Variants in RNPC3 observed in about 807,000 individuals in gnomAD.
RNPC3 encodes RNA binding region (RNP1, RRM) containing 3.
A neutral mutation model predicts 67.5 loss-of-function variants in RNPC3; 48 were observed. The observed-to-expected ratio is 0.71, with a 90% CI of 0.56 to 0.90. The LOEUF (loss-of-function observed/expected upper bound fraction) is 0.90. Ranked by LOEUF, RNPC3 falls within the 40% of genes least tolerant of loss-of-function variation. The probability of loss-of-function intolerance (pLI) is 0.00; values close to 1 mark genes in which losing one functional copy is unlikely to be tolerated. For missense variants in RNPC3, 637 were observed against 626.1 expected, an observed-to-expected ratio of 1.02 and a Z score of -0.19; for synonymous variants, 239 against 210.3, an observed-to-expected ratio of 1.14 and a Z score of -1.18.
At chr1:103,550,640 CAAAAAAA>C (rs34109337) in intron 12 of RNPC3, among the ~76,000 whole-genome samples, 2 of 88,650 alleles carry the variant, frequency 2.3e-5, no homozygotes, top group Non-Finnish European at 4.5e-5. Context: ...GACTCTGTCT[CAAAAAAA>C]AAAAAAAAAA....
chr1:103,538,677 C>T (rs1018930625), intron 7 of RNPC3, among the ~76,000 whole-genome samples: 1 of 152,180 alleles, frequency 6.6e-6, no homozygotes, highest in East Asian at 1.9e-4. Context: ...TAACTTAGAA[C>T]ATAACATACA....
In RNPC3 at chr1:103,551,032, G is replaced by T. The variant is rs1651375434; in HGVS notation, c.1453G>T (p.Glu485Ter). The T allele has an allele frequency of 2.0e-5, 32 of 1,612,584 alleles. No homozygotes were observed. Among genetic ancestry groups the T allele is most frequent in the Non-Finnish European group, 2.7e-5 (32 of 1,179,512 alleles). ...AAAAGCAGCAGCAAAAGCCTTAAAG[G>T]AAGCTAATGGATATGTGCTTTTTGG... The part of the protein sequence containing the change: ...NEKAAAKALK[E>*]ANGYVLFGKP... The change falls in exon 13 of 15, where the codon GAA becomes TAA. Residue 485 changes from glutamate to a stop codon, truncating the protein, a stop_gained. Transcript: ENST00000423855. LOFTEE classifies it high-confidence loss of function.
In RNPC3 at chr1:103,543,373, A is replaced by C. The variant is rs1317578725; in HGVS notation, c.971A>C (p.His324Pro). Residue 324 changes from histidine (H) to proline (P), a missense_variant, in exon 9 of 15, where the codon CAT (histidine) becomes CCT (proline). Physicochemically the swap from His to Pro is moderately conservative, Grantham distance 77. Coordinates refer to ENST00000423855, the MANE Select transcript of RNPC3 (RefSeq NM_017619.4). ...GTAGGTAACAAAAGAATTGAATTCC[A>C]TATATCTACCGACATGCCAGCTGCA... Reference protein sequence around the residue: ...QPVGNKRIEFHISTDMPAAFK... With the variant: ...QPVGNKRIEFPISTDMPAAFK... 1.5e-5 allele frequency: 23 copies of C among 1,522,044 alleles called. No individual in the cohort carries two copies. The highest frequency in any genetic ancestry group is 1.9e-5 in the Non-Finnish European group (22 of 1,140,436). The allele number at this position is 1,522,044 out of a possible 1,614,324, so 94.3% of individuals were successfully genotyped here.
At chr1:103,550,640 C>CAA (rs34109337) in intron 12 of RNPC3, among the ~76,000 whole-genome samples, 12 of 88,606 alleles carry the variant, frequency 1.4e-4, no homozygotes, top group Admixed American at 2.3e-4. Context: ...GACTCTGTCT[C>CAA]AAAAAAAAAA....
intron 9 of RNPC3, among the ~76,000 whole-genome samples, chr1:103,543,661 A>C (rs1337436170): frequency 6.6e-6 from 1 of 151,804 alleles, no homozygotes; most frequent in Non-Finnish European, 1.5e-5. Context: ...CCCTTTGCTA[A>C]TAATGACCTC....
In RNPC3 at chr1:103,555,016, G is replaced by A. The variant is rs1375875565; in HGVS notation, c.*13-18G>A. Reference sequence around the variant, plus strand: ...GTGTTATACTTCCTATTTTTAATGGGCTTTTATGATGTTTTAGGTTTTTTT... The same window carrying A: ...GTGTTATACTTCCTATTTTTAATGGACTTTTATGATGTTTTAGGTTTTTTT... On this transcript the variant is annotated intron_variant, in intron 14 of 14. Transcript: ENST00000423855. 6.6e-6 allele frequency: 1 copy of A among 151,762 alleles called. No individual in the cohort carries two copies. The highest frequency in any genetic ancestry group is 1.5e-5 in the Non-Finnish European group (1 of 67,930). The allele number at this position is 151,762 out of a possible 1,614,324, so 9.4% of individuals were successfully genotyped here.
intron 12 of RNPC3, among the ~76,000 whole-genome samples, chr1:103,549,586 T>C (rs1384962622): frequency 6.6e-6 from 1 of 152,224 alleles, no homozygotes; most frequent in Non-Finnish European, 1.5e-5. Flanking sequence ...TCTCATAGAC[T>C]AAATATTAGG....
intron 2 of RNPC3, among the ~76,000 whole-genome samples, 178 bp from the exon 3 acceptor site, chr1:103,533,561 G>A (rs1012718812): frequency 6.6e-6 from 1 of 151,484 alleles, no homozygotes; most frequent in Non-Finnish European, 1.5e-5. Context: ...TAAGTTATAG[G>A]AAGTAGTCCT....
At chr1:103,550,171 A>T (rs1206971108) in intron 12 of RNPC3, among the ~76,000 whole-genome samples, 1 of 151,918 alleles carries the variant, frequency 6.6e-6, no homozygotes, top group East Asian at 1.9e-4. Context: ...CTCAAAAATA[A>T]TAATAATCAT....
At chr1:103,537,570 T>A in intron 7 of RNPC3, 86 bp downstream of exon 7, 1 of 1,107,294 alleles carries the variant, frequency 9.0e-7, no homozygotes, top group Admixed American at 2.5e-5. Context: ...TTTGTGTGTA[T>A]AATACTTAAT....
At chr1:103,541,589 A>G (rs568640636) in intron 8 of RNPC3, 114 bp downstream of exon 8, 2 of 1,031,374 alleles carry the variant, frequency 1.9e-6, no homozygotes, top group Admixed American at 3.6e-5. Context: ...CTTGGTTTAC[A>G]TTGGCTTCCT....
At chr1:103,533,349 G>C (rs571354065) in intron 2 of RNPC3, among the ~76,000 whole-genome samples, 1 of 152,100 alleles carries the variant, frequency 6.6e-6, no homozygotes, top group Non-Finnish European at 1.5e-5. Flanking sequence ...AATACTCTCT[G>C]AGATATAGGT....
chr1:103,527,942 G>A (rs879633392), intron 2 of RNPC3, among the ~76,000 whole-genome samples, 200 bp downstream of exon 2: 10 of 152,178 alleles, frequency 6.6e-5, no homozygotes, highest in Admixed American at 3.3e-4. Context: ...AACTAACTGC[G>A]TATGTAATTA....
intron 11 of RNPC3, 149 bp downstream of exon 11, chr1:103,546,491 G>T: frequency 2.4e-6 from 1 of 425,256 alleles, no homozygotes; most frequent in Non-Finnish European, 4.1e-6. Context: ...AGTATTTTCA[G>T]GTTAATTTTT....
chr1:103,527,703 A>T lies in RNPC3; in HGVS notation c.201A>T (p.Thr67=). 1 of 1,548,384 alleles carries T rather than the reference A, an allele frequency of 6.5e-7. No homozygotes were observed. Among genetic ancestry groups the T allele is most frequent in the Non-Finnish European group, 8.7e-7 (1 of 1,144,758 alleles). ...VLSDKGRLKH[T]AFATFPNEKA... ...CCTTAACTCTGTTTCAGAAACATAC[A>T]GCTTTTGCCACATTCCCTAATGAAA... Residue 67 remains threonine, a synonymous_variant, in exon 2 of 15, where the codon ACA becomes ACT. Coordinates refer to ENST00000423855, the MANE Select transcript of RNPC3 (RefSeq NM_017619.4).
intron 14 of RNPC3, chr1:103,553,696 G>A (rs1025535704): frequency 7.2e-5 from 11 of 152,140 alleles, no homozygotes; most frequent in African/African-American, 2.4e-4. Flanking sequence ...TATTTATAAT[G>A]TGTTTAAAAT....
At chr1:103,531,110 C>T (rs1481167732) in intron 2 of RNPC3, among the ~76,000 whole-genome samples, 1 of 152,112 alleles carries the variant, frequency 6.6e-6, no homozygotes, top group Non-Finnish European at 1.5e-5. Context: ...GTTTTTGATT[C>T]CTGAGTTACT....
chr1:103,539,752 A>G (rs897823464), intron 7 of RNPC3, among the ~76,000 whole-genome samples: 5 of 152,222 alleles, frequency 3.3e-5, no homozygotes, highest in African/African-American at 1.2e-4. Flanking sequence ...GTACAGGTTG[A>G]GTATCTCTAA....
rs1228223167 is a variant in RNPC3 at position 103,526,243 on chromosome 1, T to C, written c.173T>C (p.Leu58Pro). The change falls in exon 1 of 15, where the codon CTG becomes CCG. Residue 58 changes from leucine (L) to proline (P), a missense_variant. Physicochemically the swap from Leu to Pro is moderately conservative, Grantham distance 98. Transcript: ENST00000423855. ...TTCGGGGCTCAGTCTGTGCGGGTCC[T>C]GTCAGATAAGGGGCGACTGGTAAGG... ...KYFGAQSVRV[L>P]SDKGRLKHTA... The C allele has an allele frequency of 6.5e-7, 1 of 1,548,388 alleles. No individual in the cohort carries two copies. The highest frequency in any genetic ancestry group is 1.2e-5 in the South Asian group (1 of 83,700).
Sources: allele counts gnomAD v4.1 joint callset (sites outside exome capture counted in the v4.1 genomes callset), GRCh38; gene constraint gnomAD v4.1.1; transcripts MANE v1.5; gene names NCBI Gene and HGNC (gene_info 2026-07-23, HGNC 2026-07-21).